PRTFDC1: variants seen among roughly 807,000 people sequenced by gnomAD.
PRTFDC1 encodes the protein phosphoribosyl transferase domain containing 1, also known as phosphoribosyltransferase domain-containing protein 1.
PRTFDC1 carries 38 observed loss-of-function variants against 34.6 expected under a neutral mutation model. The ratio of observed to expected loss-of-function variants is 1.10; its 90% CI spans 0.85 to 1.44. The LOEUF (loss-of-function observed/expected upper bound fraction) is 1.44. PRTFDC1 is among the 40% of genes most tolerant of loss of function. The pLI is 0.00. For missense variants in PRTFDC1, 270 were observed against 283.0 expected, an observed-to-expected ratio of 0.95 and a Z score of 0.33; for synonymous variants, 93 against 98.1, an observed-to-expected ratio of 0.95 and a Z score of 0.31.
intron 3 of PRTFDC1, among the ~76,000 whole-genome samples, chr10:24,877,517 A>T (rs1209496999): frequency 6.6e-6 from 1 of 152,238 alleles, no homozygotes; most frequent in Non-Finnish European, 1.5e-5. Flanking sequence ...AAGCAAAGTT[A>T]TGCTAGCTTC....
chr10:24,952,448 G>T lies in PRTFDC1; in HGVS notation c.48+80C>A. On this transcript the variant is annotated intron_variant, in intron 1 of 8. Transcript: ENST00000320152. The surrounding 1 kb of genome is among the most constrained non-coding windows in gnomAD (Gnocchi z 5.1). Reference sequence around the variant, plus strand: ...TGGCCCTCTCTCTCCCCCGACGCACGGCAAGCATTTAATCTACAAGCAGGG... The same window carrying T: ...TGGCCCTCTCTCTCCCCCGACGCACTGCAAGCATTTAATCTACAAGCAGGG... The T allele has an allele frequency of 6.8e-7, 1 of 1,467,774 alleles. No individual in the cohort carries two copies. The highest frequency in any genetic ancestry group is 2.5e-5 in the East Asian group (1 of 40,060). The allele number at this position is 1,467,774 out of a possible 1,614,324, so 90.9% of individuals were successfully genotyped here.
At chr10:24,909,292 G>A (rs1299760774) in intron 3 of PRTFDC1, among the ~76,000 whole-genome samples, 1 of 152,054 alleles carries the variant, frequency 6.6e-6, no homozygotes, top group Non-Finnish European at 1.5e-5. Context: ...AAAAAAAAGG[G>A]GACTATCTAA....
At chr10:24,886,520 C>A (rs994838330) in intron 3 of PRTFDC1, among the ~76,000 whole-genome samples, 1 of 152,186 alleles carries the variant, frequency 6.6e-6, no homozygotes, top group Non-Finnish European at 1.5e-5. Flanking sequence ...TTCAGTGTGA[C>A]CTGCACTCTA....
In PRTFDC1 at chr10:24,937,554, G is replaced by A. The variant is rs11014311; in HGVS notation, c.156-187C>T. Among the ~76,000 whole-genome samples, 3 of 143,650 alleles carry A rather than the reference G, an allele frequency of 2.1e-5. No individual in the cohort carries two copies. In the East Asian group the frequency reaches 6.9e-4, roughly 33 times the overall value. 94.2% of individuals were successfully genotyped at this position (143,650 alleles called of 152,430 possible). On this transcript the variant is annotated intron_variant, in intron 2 of 8. Coordinates refer to ENST00000320152, the MANE Select transcript of PRTFDC1 (RefSeq NM_020200.7). ...GAACATAAGGTGTTCAAAACATACTGCTTTTTTTTTTTTTTTTTTTTAAGA... is the reference window on the plus strand; with the variant it reads ...GAACATAAGGTGTTCAAAACATACTACTTTTTTTTTTTTTTTTTTTTAAGA...
intron 2 of PRTFDC1, among the ~76,000 whole-genome samples, chr10:24,939,394 T>C (rs1390421429): frequency 6.6e-6 from 1 of 151,044 alleles, no homozygotes; most frequent in African/African-American, 2.4e-5. Context: ...ATAAATACGA[T>C]AGATACTAAA....
At chr10:24,891,841 C>T (rs961818892) in intron 3 of PRTFDC1, among the ~76,000 whole-genome samples, 14 of 152,060 alleles carry the variant, frequency 9.2e-5, no homozygotes, top group Admixed American at 8.5e-4. Context: ...GACAGAAATC[C>T]TTGCAAGACA....
chr10:24,885,879 G>T (rs981439398), intron 3 of PRTFDC1, among the ~76,000 whole-genome samples: 1 of 152,226 alleles, frequency 6.6e-6, no homozygotes, highest in African/African-American at 2.4e-5. Context: ...CTAAGTGAAA[G>T]AAGCCATTCT....
chr10:24,927,206 T>G (rs1373837625), intron 3 of PRTFDC1, among the ~76,000 whole-genome samples: 1 of 152,226 alleles, frequency 6.6e-6, no homozygotes, highest in African/African-American at 2.4e-5. Context: ...ATCCATGCCC[T>G]GCTGAAAGCC....
chr10:24,850,778 C>T (rs900484753), intron 8 of PRTFDC1, among the ~76,000 whole-genome samples: 15 of 152,190 alleles, frequency 9.9e-5, no homozygotes, highest in African/African-American at 3.6e-4. Flanking sequence ...TATGGATACT[C>T]TCTGGGGGCA....
chr10:24,944,001 A>G (rs1384513787), intron 1 of PRTFDC1, among the ~76,000 whole-genome samples: 3 of 152,076 alleles, frequency 2.0e-5, no homozygotes, highest in Non-Finnish European at 4.4e-5. Context: ...GTTTGCAGTC[A>G]AGTCAGGATC....
intron 6 of PRTFDC1, among the ~76,000 whole-genome samples, chr10:24,855,985 G>A (rs1194995374): frequency 1.3e-5 from 2 of 151,474 alleles, no homozygotes; most frequent in Non-Finnish European, 2.9e-5. Flanking sequence ...ATGGTGGTAC[G>A]TGTCTGCAGT....
chr10:24,864,348 A>G (rs965214045), intron 4 of PRTFDC1, among the ~76,000 whole-genome samples: 2 of 152,238 alleles, frequency 1.3e-5, no homozygotes, highest in African/African-American at 4.8e-5. Context: ...GTAAAATGCT[A>G]TCAAACAGCA....
At chr10:24,937,015 T>G (rs886532751) in intron 3 of PRTFDC1, among the ~76,000 whole-genome samples, 169 bp downstream of exon 3, 5 of 152,196 alleles carry the variant, frequency 3.3e-5, no homozygotes, top group Non-Finnish European at 7.4e-5. Flanking sequence ...CTAAATAGTA[T>G]CATTTGAATT....
At chr10:24,855,385 C>G (rs1243035307) in intron 6 of PRTFDC1, 21 bp from the exon 7 acceptor site, 1 of 1,613,562 alleles carries the variant, frequency 6.2e-7, no homozygotes, top group East Asian at 2.2e-5. Flanking sequence ...AAAAGACATG[C>G]TTTAGTGAAC....
intron 3 of PRTFDC1, among the ~76,000 whole-genome samples, chr10:24,892,174 A>T (rs1339455941): frequency 5.3e-5 from 8 of 152,186 alleles, no homozygotes; most frequent in Non-Finnish European, 1.5e-5. Flanking sequence ...TTTTTAAGAA[A>T]CAGGATCTCA....
chr10:24,871,208 T>G (rs1847862984), intron 4 of PRTFDC1, among the ~76,000 whole-genome samples: 1 of 152,110 alleles, frequency 6.6e-6, no homozygotes, highest in Admixed American at 6.5e-5. Flanking sequence ...TATGAGAGAT[T>G]AAGCTTGTGT....
intron 1 of PRTFDC1, among the ~76,000 whole-genome samples, chr10:24,942,730 C>T (rs1849183786): frequency 1.3e-5 from 2 of 152,190 alleles, no homozygotes; most frequent in Admixed American, 1.3e-4. Flanking sequence ...TCACTGCAAC[C>T]TCTGCTTCCC....
At chr10:24,932,782 A>G (rs552942245) in intron 3 of PRTFDC1, among the ~76,000 whole-genome samples, 1 of 152,224 alleles carries the variant, frequency 6.6e-6, no homozygotes, top group South Asian at 2.1e-4. Flanking sequence ...CAGCTACATG[A>G]TATTAAATTT....
At chr10:24,928,990 A>T (rs1029157511) in intron 3 of PRTFDC1, among the ~76,000 whole-genome samples, 3 of 147,342 alleles carry the variant, frequency 2.0e-5, no homozygotes, top group Non-Finnish European at 4.5e-5. Context: ...CAGTGAGTCG[A>T]GATCGCAGCC....
Sources: gnomAD v4.1 joint callset for allele counts (sites outside exome capture counted in the v4.1 genomes callset) on GRCh38, gnomAD v4.1.1 for gene constraint, Gnocchi (gnomAD v3.1) non-coding constraint, MANE v1.5 for transcripts, NCBI Gene and HGNC (gene_info 2026-07-23, HGNC 2026-07-21) for gene names.